The following ARSG variants were observed in gnomAD, a reference collection of about 807,000 sequenced individuals.
ARSG encodes arylsulfatase G, also known as ASG.
Under a neutral mutation model 50.5 loss-of-function variants are expected in ARSG, and 37 were observed. The ratio of observed to expected loss-of-function variants is 0.73; its 90% CI spans 0.56 to 0.96. ARSG has a LOEUF of 0.96. Ranked by LOEUF, ARSG falls within the 50% of genes least tolerant of loss-of-function variation. The probability of loss-of-function intolerance (pLI) is 0.00; values close to 1 mark genes in which losing one functional copy is unlikely to be tolerated. For synonymous variants in ARSG, 225 were observed against 254.6 expected, an observed-to-expected ratio of 0.88 and a Z score of 1.11; for missense variants, 629 against 675.3, an observed-to-expected ratio of 0.93 and a Z score of 0.76.
At chr17:68,368,294 A>G (rs2079648276) in intron 6 of ARSG, among the ~76,000 whole-genome samples, 1 of 152,250 alleles carries the variant, frequency 6.6e-6, no homozygotes, top group Admixed American at 6.5e-5. Context: ...ACGAACCTAG[A>G]CAATGTGATT....
At chr17:68,327,786 G>A (rs1475446711) in intron 2 of ARSG, among the ~76,000 whole-genome samples, 5 of 152,182 alleles carry the variant, frequency 3.3e-5, no homozygotes, top group African/African-American at 1.2e-4. Context: ...GGTAGGTTGA[G>A]CCAGAGCATG....
intron 1 of ARSG, among the ~76,000 whole-genome samples, chr17:68,292,173 G>A (rs932790436): frequency 4.6e-5 from 7 of 152,060 alleles, no homozygotes; most frequent in Non-Finnish European, 8.8e-5. Flanking sequence ...AACAGCATCC[G>A]CGTTGCGCGA....
At chr17:68,414,385 G>A (rs1308551079) in intron 11 of ARSG, among the ~76,000 whole-genome samples, 1 of 152,156 alleles carries the variant, frequency 6.6e-6, no homozygotes, top group Non-Finnish European at 1.5e-5. Flanking sequence ...AAACCCCCTT[G>A]ATTATGGTGA....
downstream of ARSG, chr17:68,421,919 AGAG>A: frequency 2.7e-6 from 4 of 1,500,486 alleles, no homozygotes; most frequent in Non-Finnish European, 3.7e-6. Context: ...GTGAGCAGGG[AGAG>A]GCTGGGCACT....
chr17:68,448,506 C>T, the ARSG span: 1 of 152,048 alleles, frequency 6.6e-6, no homozygotes, highest in African/African-American at 2.4e-5. Flanking sequence ...GGGAGGAGAA[C>T]CTCACAGTTA....
At chr17:68,426,239 G>T (rs966944376), downstream of ARSG, 19 of 1,170,186 alleles carry the variant, frequency 1.6e-5, no homozygotes, top group East Asian at 4.8e-4. Flanking sequence ...ATGACCTGGC[G>T]GGTGGGGAGC....
chr17:68,414,822 G>A (rs1445977478), intron 11 of ARSG, among the ~76,000 whole-genome samples: 1 of 152,070 alleles, frequency 6.6e-6, no homozygotes, highest in Non-Finnish European at 1.5e-5. Context: ...TAAATGCAAA[G>A]GTGTTCATAG....
Position 68,309,283 on chromosome 17 carries a change from G to A in ARSG, c.218+1572G>A, listed in dbSNP as rs150129055. On this transcript the variant is annotated intron_variant, in intron 2 of 11. Coordinates refer to ENST00000621439, the MANE Select transcript of ARSG (RefSeq NM_001267727.2). ...CAGCACGCAGCCCCAGTTCCCGCTC[G>A]CGCCTCTCCCTCCACACCTCCCTGC... 8.5e-3 allele frequency among the ~76,000 whole-genome samples: 1,294 copies of A among 152,328 alleles called. 13 individuals carry two copies. Among genetic ancestry groups the A allele is most frequent in the African/African-American group, 0.029 (1,193 of 41,562 alleles).
At chr17:68,341,952 T>C (rs1228692736) in intron 2 of ARSG, among the ~76,000 whole-genome samples, 1 of 152,050 alleles carries the variant, frequency 6.6e-6, no homozygotes, top group East Asian at 1.9e-4. Flanking sequence ...CCCAAGTAGC[T>C]GGGGTTACAG....
At chr17:68,329,463 G>C (rs1313061399) in intron 2 of ARSG, among the ~76,000 whole-genome samples, 1 of 152,218 alleles carries the variant, frequency 6.6e-6, no homozygotes, top group Non-Finnish European at 1.5e-5. Context: ...GCTTTCCGTG[G>C]AGCTGGGCGG....
At chr17:68,281,254 TCCC>T in intron 1 of ARSG, among the ~76,000 whole-genome samples, 1 of 151,710 alleles carries the variant, frequency 6.6e-6, no homozygotes, top group East Asian at 1.9e-4. Flanking sequence ...GCAAAAAAAC[TCCC>T]CAACAATCTG....
chr17:68,324,580 C>T (rs2077428689), intron 2 of ARSG, among the ~76,000 whole-genome samples: 1 of 152,194 alleles, frequency 6.6e-6, no homozygotes, highest in African/African-American at 2.4e-5. Flanking sequence ...TAGGGGTCTG[C>T]AGTCTTCAAT....
At chr17:68,267,638 G>A (rs2075199242) in intron 1 of ARSG, 1 of 152,180 alleles carries the variant, frequency 6.6e-6, no homozygotes, top group Non-Finnish European at 1.5e-5. Context: ...CACCTGCAGG[G>A]TGAGATTGTG....
intron 2 of ARSG, among the ~76,000 whole-genome samples, chr17:68,333,542 C>T (rs531508538): frequency 1.1e-4 from 16 of 151,364 alleles, no homozygotes; most frequent in Non-Finnish European, 2.2e-4. Context: ...GCAGGAGAAT[C>T]GCTTGAACTC....
At chr17:68,279,848 A>T (rs1271220672) in intron 1 of ARSG, among the ~76,000 whole-genome samples, 1 of 152,212 alleles carries the variant, frequency 6.6e-6, no homozygotes, top group African/African-American at 2.4e-5. Context: ...CAATGAGTCC[A>T]TGGTCTTCAA....
At chr17:68,300,166 T>C (rs2076359287) in intron 1 of ARSG, among the ~76,000 whole-genome samples, 1 of 152,148 alleles carries the variant, frequency 6.6e-6, no homozygotes, top group South Asian at 2.1e-4. Context: ...GGCTGGCCTC[T>C]AACCCCTGGC....
intron 1 of ARSG, among the ~76,000 whole-genome samples, chr17:68,303,164 G>T (rs1555762557): frequency 6.6e-6 from 1 of 152,110 alleles, no homozygotes; most frequent in Non-Finnish European, 1.5e-5. Flanking sequence ...TTGCTCTGTT[G>T]CCCAGGCTGG....
chr17:68,420,949 C>T (rs1032388049), downstream of ARSG: 1 of 161,260 alleles, frequency 6.2e-6, no homozygotes, highest in Middle Eastern at 3.3e-3. Flanking sequence ...TCTTTTTTTC[C>T]TTCCACAAAC....
At chr17:68,339,503 T>A (rs2078177084) in intron 2 of ARSG, among the ~76,000 whole-genome samples, 1 of 152,178 alleles carries the variant, frequency 6.6e-6, no homozygotes, top group African/African-American at 2.4e-5. Context: ...AAGGATCACA[T>A]GTTACATTTG....
Sources: allele counts gnomAD v4.1 joint callset (sites outside exome capture counted in the v4.1 genomes callset), GRCh38; gene constraint gnomAD v4.1.1; transcripts MANE v1.5; gene names NCBI Gene and HGNC (gene_info 2026-07-23, HGNC 2026-07-21).